Variants in PTPRM observed in about 807,000 individuals in gnomAD.
The protein encoded by PTPRM is receptor-type tyrosine-protein phosphatase mu.
PTPRM carries 47 observed loss-of-function variants against 186.7 expected under a neutral mutation model. That is an observed-to-expected ratio of 0.25 (90% confidence interval 0.20 to 0.32). The LOEUF (loss-of-function observed/expected upper bound fraction) is 0.32. Ranked by LOEUF, PTPRM falls within the 10% of genes least tolerant of loss-of-function variation. The pLI, the probability that PTPRM is intolerant of heterozygous loss-of-function variation, is 1.00. For missense variants in PTPRM, 1,494 were observed against 1,865.0 expected, an observed-to-expected ratio of 0.80 and a Z score of 3.66; for synonymous variants, 668 against 674.9, an observed-to-expected ratio of 0.99 and a Z score of 0.16.
intron 11 of PTPRM, 104 bp downstream of exon 11, chr18:8,088,955 G>A: frequency 3.4e-6 from 3 of 871,842 alleles, no homozygotes; most frequent in Non-Finnish European, 5.5e-6. Context: ...ATCTCAGCCA[G>A]CATGTAAATC....
intron 7 of PTPRM, among the ~76,000 whole-genome samples, chr18:8,041,607 A>G (rs185990925): frequency 6.6e-6 from 1 of 152,304 alleles, no homozygotes; most frequent in East Asian, 1.9e-4. Flanking sequence ...AGCTGGCCAT[A>G]CTATGATTAA....
intron 20 of PTPRM, among the ~76,000 whole-genome samples, chr18:8,313,426 A>C (rs2095284301): frequency 6.6e-6 from 1 of 152,210 alleles, no homozygotes; most frequent in Admixed American, 6.5e-5. Context: ...ATATATTTTC[A>C]AAAAACGACA....
At chr18:7,915,251 A>G (rs1328332233) in intron 4 of PTPRM, among the ~76,000 whole-genome samples, 1 of 152,148 alleles carries the variant, frequency 6.6e-6, no homozygotes, top group Non-Finnish European at 1.5e-5. Flanking sequence ...TTATTCATGG[A>G]AGATATTTAG....
intron 5 of PTPRM, among the ~76,000 whole-genome samples, chr18:7,946,261 T>C (rs536119159): frequency 2.0e-5 from 3 of 152,244 alleles, no homozygotes; most frequent in Non-Finnish European, 4.4e-5. Context: ...GAATAAACAT[T>C]CTTTTGATAG....
At chr18:7,984,194 AG>A in intron 7 of PTPRM, among the ~76,000 whole-genome samples, 1 of 152,274 alleles carries the variant, frequency 6.6e-6, no homozygotes, top group East Asian at 1.9e-4. Flanking sequence ...CAAAGAGTCA[AG>A]AAAAATGCAA....
chr18:8,378,124 C>T, intron 26 of PTPRM, 141 bp from the exon 27 acceptor site: 1 of 818,638 alleles, frequency 1.2e-6, no homozygotes, highest in South Asian at 1.8e-5. Context: ...CCCCAGTCTC[C>T]TAGCACTTGA....
rs370655652 is a variant in PTPRM at position 7,926,614 on chromosome 18, T to C, written c.594T>C (p.Ala198=). 418 of 1,613,726 alleles carry C rather than the reference T, an allele frequency of 2.6e-4. 1 individual carries two copies. Among genetic ancestry groups the C allele is most frequent in the Admixed American group, 9.4e-4 (56 of 59,798 alleles). The change falls in exon 5 of 33, where the codon GCT becomes GCC. Residue 198 remains alanine, a synonymous_variant. Transcript: ENST00000580170. The stretch of plus-strand genomic sequence containing the variant: ...GGATTCAGAATGTGGAAGTTAATGC[T>C]GGCCAGTTTGCTACCTTCCAGTGCA... The part of the protein sequence containing the change: ...FLRIQNVEVN[A]GQFATFQCSA...
At chr18:7,899,006 T>C (rs933640241) in intron 3 of PTPRM, among the ~76,000 whole-genome samples, 13 of 152,228 alleles carry the variant, frequency 8.5e-5, no homozygotes, top group African/African-American at 3.1e-4. Flanking sequence ...GTTGATTCAT[T>C]AACTTTGAAC....
At chr18:7,812,021 TC>T (rs1470469341) in intron 2 of PTPRM, among the ~76,000 whole-genome samples, 1 of 152,206 alleles carries the variant, frequency 6.6e-6, no homozygotes, top group Non-Finnish European at 1.5e-5. Flanking sequence ...AATAGTTATG[TC>T]CATCAAGGCT....
chr18:8,312,889 C>G (rs925860822), intron 20 of PTPRM, among the ~76,000 whole-genome samples: 1 of 152,184 alleles, frequency 6.6e-6, no homozygotes, highest in South Asian at 2.1e-4. Flanking sequence ...ATGTGACTAC[C>G]TGTCATGAAG....
At chr18:8,196,508 A>G (rs1172580124) in intron 14 of PTPRM, among the ~76,000 whole-genome samples, 1 of 152,214 alleles carries the variant, frequency 6.6e-6, no homozygotes, top group Non-Finnish European at 1.5e-5. Context: ...CTCAGAAACT[A>G]TCCTGTTTGC....
chr18:8,271,085 A>C (rs1322311983), intron 19 of PTPRM, among the ~76,000 whole-genome samples: 1 of 152,170 alleles, frequency 6.6e-6, no homozygotes, highest in Non-Finnish European at 1.5e-5. Context: ...TTCACAATAT[A>C]TATGTTACAT....
At chr18:8,183,202 A>G (rs2093600036) in intron 14 of PTPRM, among the ~76,000 whole-genome samples, 1 of 152,242 alleles carries the variant, frequency 6.6e-6, no homozygotes. Context: ...TAGACATTAA[A>G]AGCCTTCTCA....
intron 19 of PTPRM, among the ~76,000 whole-genome samples, chr18:8,293,302 A>G (rs1004602508): frequency 2.6e-5 from 4 of 152,246 alleles, no homozygotes; most frequent in Non-Finnish European, 5.9e-5. Flanking sequence ...TACAAGGGCT[A>G]TTGGCAGTCC....
chr18:8,283,657 G>A (rs1601624228), intron 19 of PTPRM, among the ~76,000 whole-genome samples: 1 of 152,322 alleles, frequency 6.6e-6, no homozygotes, highest in East Asian at 1.9e-4. Flanking sequence ...GTCTTGCTCT[G>A]TTGCCCAGGC....
At position 8,143,656 on chromosome 18, in the gene PTPRM, C is replaced by T; in HGVS notation, c.2177C>T (p.Thr726Ile). 6.3e-7 allele frequency: 1 copy of T among 1,598,192 alleles called. No individual in the cohort carries two copies. The highest frequency in any genetic ancestry group is 8.6e-7 in the Non-Finnish European group (1 of 1,165,582). The change falls in exon 14 of 33, where the codon ACT becomes ATT. Residue 726 changes from threonine to isoleucine, a missense_variant. Physicochemically the swap from Thr to Ile is moderately conservative, Grantham distance 89 (BLOSUM62 -1). This residue lies in a region of PTPRM where 1,107 missense variants were observed against 1,350.2 expected (regional missense o/e 0.82). Transcript: ENST00000580170. Reference protein sequence around the residue: ...CVQVATKGAATPKPVPEPEKQ... With the variant: ...CVQVATKGAAIPKPVPEPEKQ... ...TTCCTTTCATCTTCAGGAGCTGCCA[C>T]TCCGAAACCAGTCCCAGAACCCGAG... is the stretch of plus-strand genomic sequence containing the variant.
chr18:8,230,625 A>G (rs970543302), intron 14 of PTPRM, among the ~76,000 whole-genome samples: 2 of 152,268 alleles, frequency 1.3e-5, no homozygotes, highest in Non-Finnish European at 2.9e-5. Flanking sequence ...TGTAAGAGTT[A>G]AACGAATTAA....
intron 14 of PTPRM, among the ~76,000 whole-genome samples, chr18:8,240,170 C>T (rs12607226): frequency 0.023 from 3,571 of 152,194 alleles, 56 homozygotes; most frequent in East Asian, 0.055. Flanking sequence ...TATTACTTAT[C>T]GACAATCCTA....
At chr18:7,923,912 G>A (rs2051018798) in intron 4 of PTPRM, among the ~76,000 whole-genome samples, 1 of 152,152 alleles carries the variant, frequency 6.6e-6, no homozygotes, top group African/African-American at 2.4e-5. Context: ...CTATGTAGAA[G>A]TTCCTTCAAA....
Sources: allele counts gnomAD v4.1 joint callset (sites outside exome capture counted in the v4.1 genomes callset), GRCh38; gene constraint gnomAD v4.1.1; regional missense constraint gnomAD v4.1.1; transcripts MANE v1.5; gene names NCBI Gene and HGNC (gene_info 2026-07-23, HGNC 2026-07-21).